RABGAP1L: variants seen among roughly 807,000 people sequenced by gnomAD.
The protein encoded by RABGAP1L is rab GTPase-activating protein 1-like.
RABGAP1L carries 63 observed loss-of-function variants against 137.7 expected under a neutral mutation model. The observed-to-expected ratio is 0.46, with a 90% confidence interval of 0.37 to 0.56. The LOEUF (loss-of-function observed/expected upper bound fraction) is 0.56, where lower values mean the gene tolerates loss of function less well. Ranked by LOEUF, RABGAP1L falls within the 20% of genes least tolerant of loss-of-function variation. The pLI, the probability that RABGAP1L is intolerant of heterozygous loss-of-function variation, is 0.00. For missense variants in RABGAP1L, 1,095 were observed against 1,244.0 expected, an observed-to-expected ratio of 0.88 and a Z score of 1.80; for synonymous variants, 431 against 433.7, an observed-to-expected ratio of 0.99 and a Z score of 0.08.
At chr1:174,849,725 A>G in intron 19 of RABGAP1L, 1 of 456,382 alleles carries the variant, frequency 2.2e-6, no homozygotes, top group Non-Finnish European at 4.4e-6. Flanking sequence ...CTGAATTCGC[A>G]TCTTTCTGTT....
intron 13 of RABGAP1L, among the ~76,000 whole-genome samples, chr1:174,475,325 C>T (rs945855411): frequency 9.2e-5 from 14 of 151,922 alleles, no homozygotes; most frequent in African/African-American, 2.9e-4. Context: ...TTTTAACATA[C>T]GTTGAATGAT....
At chr1:174,259,670 T>C (rs906826156) in intron 7 of RABGAP1L, among the ~76,000 whole-genome samples, 1 of 152,204 alleles carries the variant, frequency 6.6e-6, no homozygotes, top group Non-Finnish European at 1.5e-5. Context: ...TTTAATATTC[T>C]TTTCCTTTTC....
intron 17 of RABGAP1L, among the ~76,000 whole-genome samples, chr1:174,706,370 T>A (rs1188820585): frequency 6.6e-6 from 1 of 152,188 alleles, no homozygotes; most frequent in African/African-American, 2.4e-5. Flanking sequence ...ATACATTTTC[T>A]TATGTTAAGA....
intron 18 of RABGAP1L, among the ~76,000 whole-genome samples, chr1:174,780,110 A>T (rs1558070674): frequency 8.1e-6 from 1 of 123,066 alleles, no homozygotes; most frequent in Non-Finnish European, 2.0e-5. Flanking sequence ...AAATAAATAA[A>T]TAAATAAATT....
intron 1 of RABGAP1L, among the ~76,000 whole-genome samples, chr1:174,180,280 G>C (rs1666241864): frequency 6.6e-6 from 1 of 152,134 alleles, no homozygotes; most frequent in African/African-American, 2.4e-5. Flanking sequence ...GTAACCTTGG[G>C]CAAGTTGGTG....
intron 13 of RABGAP1L, among the ~76,000 whole-genome samples, chr1:174,508,783 A>C (rs991574102): frequency 6.6e-6 from 1 of 152,118 alleles, no homozygotes; most frequent in Non-Finnish European, 1.5e-5. Flanking sequence ...TTTTCTTCTC[A>C]TCCTGGAAAT....
rs562727363 is a variant in RABGAP1L at position 174,209,760 on chromosome 1, A to T, written c.-33-9365A>T. The stretch of plus-strand genomic sequence containing the variant: ...AAGACCTTGAGCTGCCATAGGCGGT[A>T]GCCAGGTAGTGCTTACAGCAGGCCT... On this transcript the variant is annotated intron_variant, in intron 1 of 25. Coordinates refer to ENST00000681986, the MANE Select transcript of RABGAP1L (RefSeq NM_001366446.1). 2.2e-4 allele frequency among the ~76,000 whole-genome samples: 34 copies of T among 152,300 alleles called. No homozygotes were observed. The South Asian group carries it at 6.8e-3, about 31-fold the overall frequency.
chr1:174,346,520 T>C (rs1682444500), intron 11 of RABGAP1L, among the ~76,000 whole-genome samples: 1 of 152,160 alleles, frequency 6.6e-6, no homozygotes, highest in African/African-American at 2.4e-5. Context: ...TTTTACAATG[T>C]ATTGACACGT....
chr1:174,550,895 TACACACACACATATAC>T (rs1177973391), intron 13 of RABGAP1L, among the ~76,000 whole-genome samples: 2 of 50,968 alleles, frequency 3.9e-5, no homozygotes, highest in Non-Finnish European at 7.0e-5. Context: ...TATATATATA[TACACACACACATATAC>T]ACACACACAC....
intron 15 of RABGAP1L, among the ~76,000 whole-genome samples, chr1:174,692,803 A>C (rs1191136703): frequency 1.3e-5 from 2 of 152,132 alleles, no homozygotes; most frequent in African/African-American, 4.8e-5. Context: ...ATTGCCAACA[A>C]TATGTATATG....
chr1:174,304,900 C>G, intron 10 of RABGAP1L, 86 bp from the exon 11 acceptor site: 1 of 1,231,282 alleles, frequency 8.1e-7, no homozygotes, highest in Non-Finnish European at 1.1e-6. Context: ...TTCATTGCAG[C>G]TCTTTTGAAT....
intron 11 of RABGAP1L, among the ~76,000 whole-genome samples, chr1:174,308,700 T>G (rs112800160): frequency 0.02 from 3,016 of 152,116 alleles, 48 homozygotes; most frequent in Middle Eastern, 0.054. Flanking sequence ...ATACATGGAA[T>G]TATTTCTGTT....
At chr1:174,492,347 ATTT>A (rs1273015833) in intron 13 of RABGAP1L, among the ~76,000 whole-genome samples, 27 of 123,998 alleles carry the variant, frequency 2.2e-4, no homozygotes, top group African/African-American at 2.9e-4. Context: ...CGCCTGACTA[ATTT>A]TTTTTTTTTT....
intron 13 of RABGAP1L, among the ~76,000 whole-genome samples, chr1:174,563,604 C>G (rs985646894): frequency 3.3e-5 from 5 of 151,984 alleles, no homozygotes; most frequent in Admixed American, 3.3e-4. Context: ...CTGTGATAAC[C>G]GAAGGGTTCC....
chr1:174,699,257 T>C (rs1679477778), intron 15 of RABGAP1L, among the ~76,000 whole-genome samples: 1 of 152,118 alleles, frequency 6.6e-6, no homozygotes, highest in African/African-American at 2.4e-5. Flanking sequence ...CCTCCCAAAG[T>C]GTGCTTTGGT....
intron 7 of RABGAP1L, among the ~76,000 whole-genome samples, chr1:174,259,974 A>G (rs1455110398): frequency 2.0e-5 from 3 of 151,996 alleles, no homozygotes; most frequent in African/African-American, 7.3e-5. Context: ...AGCTGGGACT[A>G]TAGGCATGCG....
At chr1:174,749,750 C>T (rs986676068) in intron 17 of RABGAP1L, among the ~76,000 whole-genome samples, 2 of 152,156 alleles carry the variant, frequency 1.3e-5, no homozygotes, top group African/African-American at 4.8e-5. Flanking sequence ...AGGTTCTAGA[C>T]TCTCAGCCAA....
intron 19 of RABGAP1L, among the ~76,000 whole-genome samples, chr1:174,837,522 C>G (rs114539775): frequency 6.6e-6 from 1 of 152,152 alleles, no homozygotes; most frequent in African/African-American, 2.4e-5. Context: ...GAAGAGCATG[C>G]CCCCATGAGA....
intron 10 of RABGAP1L, among the ~76,000 whole-genome samples, chr1:174,284,879 C>T (rs534491831): frequency 6.0e-5 from 9 of 150,014 alleles, no homozygotes; most frequent in South Asian, 4.2e-4. Context: ...ATTGGGATTT[C>T]GATAGGGATC....
Sources: allele counts gnomAD v4.1 joint callset (sites outside exome capture counted in the v4.1 genomes callset), GRCh38; gene constraint gnomAD v4.1.1; transcripts MANE v1.5; gene names NCBI Gene and HGNC (gene_info 2026-07-23, HGNC 2026-07-21).